LMO7: variants seen among roughly 807,000 people sequenced by gnomAD.
LMO7 encodes the protein LIM domain only protein 7.
Under a neutral mutation model 206.5 loss-of-function variants are expected in LMO7, and 120 were observed. The ratio of observed to expected loss-of-function variants is 0.58; its 90% CI spans 0.50 to 0.68. LMO7 has a LOEUF of 0.68. LMO7 is among the 30% of genes least tolerant of loss of function. The pLI, the probability that LMO7 is intolerant of heterozygous loss-of-function variation, is 0.00. For missense variants in LMO7, 1,959 were observed against 1,957.9 expected (o/e 1.00, Z -0.01); for synonymous variants, 706 against 681.5 (o/e 1.04, Z -0.56).
upstream of LMO7, among the ~76,000 whole-genome samples, chr13:75,632,311 T>C (rs994460236): frequency 2.6e-5 from 4 of 152,188 alleles, no homozygotes; most frequent in Non-Finnish European, 5.9e-5. Flanking sequence ...CAAGCAGTGA[T>C]TGGTGCCTGA....
At position 75,841,651 on chromosome 13, in the gene LMO7, C is replaced by T. The variant is rs751265583; in HGVS notation, c.3699C>T (p.Asn1233=). The T allele has an allele frequency of 6.2e-6, 10 of 1,613,014 alleles. No individual in the cohort carries two copies. In the South Asian group the frequency reaches 9.9e-5, roughly 16 times the overall value. Reference sequence around the variant, plus strand: ...AGGAACTGATGGTCCTAAGCTCAAACAGCATGTCTCTGACCACACGGGAGC... The same window carrying T: ...AGGAACTGATGGTCCTAAGCTCAAATAGCATGTCTCTGACCACACGGGAGC... ...LDEELMVLSS[N]SMSLTTREPS... The change falls in exon 24 of 31, where the codon AAC becomes AAT. Residue 1233 remains asparagine, a synonymous_variant. Coordinates refer to ENST00000377534, the MANE Select transcript of LMO7 (RefSeq NM_001306080.2).
intron 1 of LMO7, among the ~76,000 whole-genome samples, chr13:75,709,887 G>C (rs1409258843): frequency 6.6e-6 from 1 of 152,292 alleles, no homozygotes; most frequent in Non-Finnish European, 1.5e-5. Context: ...CCTATGTCCT[G>C]AATGGTATTG....
In LMO7 at chr13:75,823,769, G is replaced by T; in HGVS notation, c.2845G>T (p.Ala949Ser). The change falls in exon 15 of 31, where the codon GCT becomes TCT. Residue 949 changes from alanine (A) to serine (S), a missense_variant. Ala to Ser is a moderately conservative substitution (Grantham distance 99, BLOSUM62 1). Coordinates refer to ENST00000377534, the MANE Select transcript of LMO7 (RefSeq NM_001306080.2). ...SPFSSLSQDQAATSKATLSST... is the reference protein window; with the variant it reads ...SPFSSLSQDQSATSKATLSST... Reference sequence around the variant, plus strand: ...CTTCTCATCTCTTTCCCAAGACCAGGCTGCCACTTCTAAAGCCACATTGTC... The same window carrying T: ...CTTCTCATCTCTTTCCCAAGACCAGTCTGCCACTTCTAAAGCCACATTGTC... 1 of 1,614,058 alleles carries T rather than the reference G, an allele frequency of 6.2e-7. No homozygotes were observed.
chr13:75,766,898 G>A (rs645822), intron 4 of LMO7, among the ~76,000 whole-genome samples: 1,855 of 152,138 alleles, frequency 0.012, 48 homozygotes, highest in African/African-American at 0.042. Context: ...TTTGAAGATG[G>A]GGAAAAACCT....
intron 2 of LMO7, among the ~76,000 whole-genome samples, chr13:75,713,666 G>C (rs2043299921): frequency 6.6e-6 from 1 of 152,068 alleles, no homozygotes; most frequent in Non-Finnish European, 1.5e-5. Flanking sequence ...GATTGGAGTG[G>C]TAGATTTTTC....
intron 1 of LMO7, among the ~76,000 whole-genome samples, chr13:75,694,033 C>A (rs961002560): frequency 3.3e-5 from 5 of 151,874 alleles, no homozygotes; most frequent in African/African-American, 1.2e-4. Flanking sequence ...AAACTATTTA[C>A]GAATACTTAC....
chr13:75,650,449 C>T (rs180729481), intron 1 of LMO7, among the ~76,000 whole-genome samples: 138 of 151,566 alleles, frequency 9.1e-4, no homozygotes, highest in African/African-American at 3.2e-3. Flanking sequence ...CTTAATGATA[C>T]TTCATCCTGC....
In LMO7 at chr13:75,807,829, G is replaced by A. The variant is rs1566507451; in HGVS notation, c.1546G>A (p.Asp516Asn). Residue 516 changes from aspartate (D) to asparagine (N), a missense_variant, in exon 10 of 31, where the codon GAT becomes AAT. Coordinates refer to ENST00000377534, the MANE Select transcript of LMO7 (RefSeq NM_001306080.2). ...TGTACTTCCGGATTTGGAAAAAGAT[G>A]ATATGATTGTTCGCCGAATTCCAGC... is the stretch of plus-strand genomic sequence containing the variant. ...ELVLPDLEKD[D>N]MIVRRIPAQK... 1 of 1,613,830 alleles carries A rather than the reference G, an allele frequency of 6.2e-7. No individual in the cohort carries two copies.
At chr13:75,840,643 C>A in intron 22 of LMO7, 148 bp downstream of exon 22, 1 of 969,242 alleles carries the variant, frequency 1.0e-6, no homozygotes, top group Non-Finnish European at 1.5e-6. Flanking sequence ...TTCCATAAAA[C>A]AATTACTTTT....
chr13:75,702,133 A>G (rs1361396524), intron 1 of LMO7, among the ~76,000 whole-genome samples: 1 of 151,964 alleles, frequency 6.6e-6, no homozygotes, highest in Non-Finnish European at 1.5e-5. Flanking sequence ...TATGAGTGCA[A>G]CTGACATCTG....
At chr13:75,849,440 A>G (rs1471200929) in intron 27 of LMO7, 148 bp downstream of exon 27, 3 of 601,378 alleles carry the variant, frequency 5.0e-6, no homozygotes, top group South Asian at 2.3e-5. Flanking sequence ...ACATGACCAC[A>G]TCTAATCTGA....
At chr13:75,851,939 G>T (rs2060531038) in intron 27 of LMO7, among the ~76,000 whole-genome samples, 1 of 151,950 alleles carries the variant, frequency 6.6e-6, no homozygotes, top group South Asian at 2.1e-4. Context: ...CTTTTCCTAT[G>T]ACAAACTCAC....
At chr13:75,643,943 T>G (rs1309793595) in intron 1 of LMO7, among the ~76,000 whole-genome samples, 5 of 152,208 alleles carry the variant, frequency 3.3e-5, no homozygotes, top group Non-Finnish European at 5.9e-5. Flanking sequence ...CCTGACCCTC[T>G]GTCTGTCTTC....
chr13:75,787,937 A>G (rs1358226778), intron 4 of LMO7, among the ~76,000 whole-genome samples: 1 of 152,232 alleles, frequency 6.6e-6, no homozygotes, highest in Non-Finnish European at 1.5e-5. Context: ...CTTGTTTGAC[A>G]TAGTGATGAG....
chr13:75,712,442 C>G (rs2043196513), intron 1 of LMO7, among the ~76,000 whole-genome samples: 1 of 152,132 alleles, frequency 6.6e-6, no homozygotes, highest in African/African-American at 2.4e-5. Context: ...TGTGGAATCC[C>G]CTTTTCTATC....
At chr13:75,816,243 G>A (rs556015312) in intron 11 of LMO7, among the ~76,000 whole-genome samples, 27 of 152,310 alleles carry the variant, frequency 1.8e-4, no homozygotes, top group African/African-American at 6.0e-4. Context: ...TAGATGCCCA[G>A]GCAAGAGGTG....
At chr13:75,847,142 G>T (rs1305370768) in intron 26 of LMO7, among the ~76,000 whole-genome samples, 2 of 151,960 alleles carry the variant, frequency 1.3e-5, no homozygotes, top group Non-Finnish European at 2.9e-5. Flanking sequence ...CTTGCTCATT[G>T]CTTAGTGGAA....
chr13:75,717,069 G>A (rs2043598217), intron 2 of LMO7, among the ~76,000 whole-genome samples: 1 of 151,672 alleles, frequency 6.6e-6, no homozygotes, highest in Admixed American at 6.6e-5. Flanking sequence ...CTCACAGTAA[G>A]AACACTCTTC....
At chr13:75,734,551 A>G (rs1367308070) in intron 3 of LMO7, among the ~76,000 whole-genome samples, 1 of 152,224 alleles carries the variant, frequency 6.6e-6, no homozygotes, top group African/African-American at 2.4e-5. Flanking sequence ...TAGCAATACC[A>G]AAATTTCTGG....
Sources: gnomAD v4.1 joint callset for allele counts (sites outside exome capture counted in the v4.1 genomes callset) on GRCh38, gnomAD v4.1.1 for gene constraint, MANE v1.5 for transcripts, NCBI Gene and HGNC (gene_info 2026-07-23, HGNC 2026-07-21) for gene names.